Variants in PIAS1 observed in about 807,000 individuals in gnomAD.
PIAS1 encodes the protein E3 SUMO-protein ligase PIAS1.
Under a neutral mutation model 71.3 loss-of-function variants are expected in PIAS1, and 6 were observed. The ratio of observed to expected loss-of-function variants is 0.08; its 90% CI spans 0.05 to 0.17. PIAS1 has a LOEUF of 0.17. PIAS1 is among the 10% of genes least tolerant of loss of function. The pLI is 1.00. For synonymous variants in PIAS1, 303 were observed against 292.9 expected (o/e 1.03, Z -0.35); for missense variants, 555 against 793.6 (o/e 0.70, Z 3.61).
At chr15:68,144,493 A>G (rs1433442996) in intron 4 of PIAS1, among the ~76,000 whole-genome samples, 2 of 152,050 alleles carry the variant, frequency 1.3e-5, no homozygotes, top group Non-Finnish European at 2.9e-5. Flanking sequence ...GATTAGTTGA[A>G]TAGACACTGT....
At chr15:68,121,722 G>A (rs1595742380) in intron 2 of PIAS1, among the ~76,000 whole-genome samples, 1 of 152,028 alleles carries the variant, frequency 6.6e-6, no homozygotes, top group East Asian at 1.9e-4. Context: ...TCTCTACCCA[G>A]ACCTCTCTCT....
In PIAS1 at chr15:68,109,070, C is replaced by T. The variant is rs117666403; in HGVS notation, c.469+22320C>T. Among the ~76,000 whole-genome samples the T allele has an allele frequency of 6.1e-3, 930 of 152,298 alleles. 4 individuals carry two copies. The highest frequency in any genetic ancestry group is 0.032 in the East Asian group (167 of 5,192). On this transcript the variant is annotated intron_variant, in intron 2 of 13. Transcript: ENST00000249636. Reference sequence around the variant, plus strand: ...ACCTGTCTGATATCATCATCTATAACTATTCTTTCTGTTACCTTGACTCTA... The same window carrying T: ...ACCTGTCTGATATCATCATCTATAATTATTCTTTCTGTTACCTTGACTCTA...
chr15:68,143,676 T>G (rs1351377097), intron 4 of PIAS1, among the ~76,000 whole-genome samples: 1 of 152,130 alleles, frequency 6.6e-6, no homozygotes, highest in Non-Finnish European at 1.5e-5. Flanking sequence ...CTTCTTTACT[T>G]CCTGCCTCAA....
At chr15:68,143,642 T>C (rs2092787865) in intron 4 of PIAS1, among the ~76,000 whole-genome samples, 1 of 152,124 alleles carries the variant, frequency 6.6e-6, no homozygotes, top group African/African-American at 2.4e-5. Context: ...GATGTCTCCA[T>C]AGTTAATTAT....
At chr15:68,076,806 T>A (rs1488509373) in intron 1 of PIAS1, among the ~76,000 whole-genome samples, 1 of 152,212 alleles carries the variant, frequency 6.6e-6, no homozygotes, top group African/African-American at 2.4e-5. Flanking sequence ...GGGCACTTAC[T>A]TGGTGTCATT....
At chr15:68,055,926 A>G in intron 1 of PIAS1, 1 of 701,064 alleles carries the variant, frequency 1.4e-6, no homozygotes, top group Admixed American at 2.0e-5. Context: ...ATTGGCTTTG[A>G]GTGTCATTCT....
At position 68,167,213 on chromosome 15, in the gene PIAS1, G is replaced by GTGTC. The variant is rs1034988055; in HGVS notation, c.1008+2410_1008+2411insGTCT. ...ATATTGTGTGTGTGTGTGTGTGTGTGTATGTGTAAAATGTATAATTATAAT... is the reference window on the plus strand; with the variant it reads ...ATATTGTGTGTGTGTGTGTGTGTGTGTGTCTATGTGTAAAATGTATAATTATAAT... On this transcript the variant is annotated intron_variant, in intron 8 of 13. Coordinates refer to ENST00000249636, the MANE Select transcript of PIAS1 (RefSeq NM_016166.3). The surrounding 1 kb of genome is among the most constrained non-coding windows in gnomAD (Gnocchi z 4.4). Among the ~76,000 whole-genome samples, 1 of 151,952 alleles carries GTGTC rather than the reference G, an allele frequency of 6.6e-6. No homozygotes were observed. The highest frequency in any genetic ancestry group is 1.9e-4 in the East Asian group (1 of 5,188).
At chr15:68,123,750 TG>T (rs1365810877) in intron 2 of PIAS1, among the ~76,000 whole-genome samples, 1 of 152,220 alleles carries the variant, frequency 6.6e-6, no homozygotes, top group Non-Finnish European at 1.5e-5. Context: ...AAGTATATTC[TG>T]TGATATTATA....
Position 68,086,959 on chromosome 15 carries a change from A to G in PIAS1, c.469+209A>G, listed in dbSNP as rs2092288689. Among the ~76,000 whole-genome samples the G allele has an allele frequency of 6.6e-6, 1 of 152,236 alleles. No homozygotes were observed. The highest frequency in any genetic ancestry group is 1.5e-5 in the Non-Finnish European group (1 of 68,020). On this transcript the variant is annotated intron_variant, in intron 2 of 13. Coordinates refer to ENST00000249636, the MANE Select transcript of PIAS1 (RefSeq NM_016166.3). The surrounding 1 kb of genome is among the most constrained non-coding windows in gnomAD (Gnocchi z 7.2). ...AGGTAGTATAGTGATGGTTACTGAC[A>G]AAGTAAATATTAAAAAGTTTCAAGA...
chr15:68,055,158 G>A (rs374330530), intron 1 of PIAS1: 3 of 980,162 alleles, frequency 3.1e-6, no homozygotes, highest in Non-Finnish European at 1.2e-6. Context: ...TTTTGCCTTA[G>A]CTGGTGTGGA....
chr15:68,156,744 A>C (rs1009911698), intron 7 of PIAS1, among the ~76,000 whole-genome samples: 49 of 149,664 alleles, frequency 3.3e-4, no homozygotes, highest in East Asian at 4.0e-4. Context: ...AGAGAGAGAG[A>C]GCGCCAAGAA....
chr15:68,080,298 A>G (rs1173365440), intron 1 of PIAS1, among the ~76,000 whole-genome samples: 2 of 152,252 alleles, frequency 1.3e-5, no homozygotes, highest in Non-Finnish European at 2.9e-5. Flanking sequence ...TGTTTAAAGA[A>G]GAATGGGATC....
At chr15:68,088,164 G>T in intron 2 of PIAS1, among the ~76,000 whole-genome samples, 2 of 41,280 alleles carry the variant, frequency 4.8e-5, no homozygotes, top group South Asian at 1.4e-3. Context: ...TTGTCTGTCT[G>T]ATTATGTGTG....
chr15:68,055,116 G>T, intron 1 of PIAS1: 2 of 674,974 alleles, frequency 3.0e-6, no homozygotes, highest in South Asian at 6.6e-5. Flanking sequence ...AGCAGTGTTG[G>T]GAGGGGGGGA....
intron 2 of PIAS1, among the ~76,000 whole-genome samples, chr15:68,116,957 A>C (rs1295496837): frequency 6.6e-6 from 1 of 152,178 alleles, no homozygotes; most frequent in African/African-American, 2.4e-5. Flanking sequence ...GTTTCAGTAC[A>C]TGTATAAATT....
intron 8 of PIAS1, among the ~76,000 whole-genome samples, chr15:68,165,662 C>T (rs939854284): frequency 6.6e-6 from 1 of 152,056 alleles, no homozygotes; most frequent in African/African-American, 2.4e-5. Flanking sequence ...AAGACTTAGC[C>T]AAATTATTAA....
intron 2 of PIAS1, among the ~76,000 whole-genome samples, chr15:68,130,759 T>G (rs1325100095): frequency 1.3e-5 from 2 of 151,990 alleles, no homozygotes; most frequent in East Asian, 3.8e-4. Context: ...ATCAGAATAT[T>G]GGAGGAATAA....
chr15:68,087,364 C>T (rs2092293066), intron 2 of PIAS1, among the ~76,000 whole-genome samples: 1 of 152,002 alleles, frequency 6.6e-6, no homozygotes, highest in Non-Finnish European at 1.5e-5. Flanking sequence ...ATATAGAATT[C>T]AATATATTAA....
At chr15:68,143,735 G>A (rs773796843) in intron 4 of PIAS1, among the ~76,000 whole-genome samples, 1 of 152,014 alleles carries the variant, frequency 6.6e-6, no homozygotes, top group African/African-American at 2.4e-5. Flanking sequence ...CTTTAAATCA[G>A]TGGTTTTCAA....
Sources: allele counts gnomAD v4.1 joint callset (sites outside exome capture counted in the v4.1 genomes callset), GRCh38; gene constraint gnomAD v4.1.1; non-coding constraint Gnocchi (gnomAD v3.1); transcripts MANE v1.5; gene names NCBI Gene and HGNC (gene_info 2026-07-23, HGNC 2026-07-21).